ENO4: variants seen among roughly 807,000 people sequenced by gnomAD.
ENO4 encodes enolase 4, also known as 2-phospho-D-glycerate hydro-lyase.
In ENO4, 53 loss-of-function variants were observed where a neutral mutation model predicts 63.2. The ratio of observed to expected loss-of-function variants is 0.84; its 90% confidence interval spans 0.67 to 1.05. ENO4 has a LOEUF of 1.05. ENO4 is among the 50% of genes least tolerant of loss of function. The probability of loss-of-function intolerance (pLI) is 0.00; values close to 1 mark genes in which losing one functional copy is unlikely to be tolerated. For synonymous variants in ENO4, 266 were observed against 283.8 expected (o/e 0.94, Z 0.63); for missense variants, 719 against 772.0 (o/e 0.93, Z 0.81).
At chr10:116,871,831 C>T (rs1637573) in intron 9 of ENO4, among the ~76,000 whole-genome samples, 151,976 of 152,356 alleles carry the variant, frequency 1, 75,801 homozygotes, top group Non-Finnish European at 1. Context: ...AGTGATGTGA[C>T]GAGACTCCAC....
intron 10 of ENO4, among the ~76,000 whole-genome samples, chr10:116,904,708 T>G (rs961422054): frequency 6.6e-6 from 1 of 152,234 alleles, no homozygotes; most frequent in Non-Finnish European, 1.5e-5. Flanking sequence ...CTCTGAATTA[T>G]TCAAATTTCT....
chr10:116,909,487 C>T (rs1848105406), intron 10 of ENO4, among the ~76,000 whole-genome samples: 1 of 152,210 alleles, frequency 6.6e-6, no homozygotes, highest in Non-Finnish European at 1.5e-5. Flanking sequence ...TCACCACTGT[C>T]ACTTAGAGTG....
At chr10:116,885,854 G>A (rs1847148165), downstream of ENO4, 1 of 156,362 alleles carries the variant, frequency 6.4e-6, no homozygotes, top group Admixed American at 6.2e-5. Flanking sequence ...AAAATAACTT[G>A]TATGCCACAG....
intron 10 of ENO4, among the ~76,000 whole-genome samples, chr10:116,889,471 T>G (rs1289986288): frequency 1.3e-5 from 2 of 151,786 alleles, no homozygotes; most frequent in Non-Finnish European, 2.9e-5. Context: ...GGAGGGAGAG[T>G]GACTGGTTTC....
intron 10 of ENO4, among the ~76,000 whole-genome samples, chr10:116,907,238 G>A (rs187788106): frequency 6.6e-6 from 1 of 152,302 alleles, no homozygotes; most frequent in Non-Finnish European, 1.5e-5. Context: ...CGTCGTAGCT[G>A]TCAAAGGAGG....
chr10:116,896,299 T>C (rs1259988899), intron 10 of ENO4, among the ~76,000 whole-genome samples: 1 of 152,186 alleles, frequency 6.6e-6, no homozygotes, highest in African/African-American at 2.4e-5. Context: ...CCCACACTGA[T>C]GTATACTGGG....
At chr10:116,866,117 A>C (rs1203091838) in intron 7 of ENO4, among the ~76,000 whole-genome samples, 1 of 152,216 alleles carries the variant, frequency 6.6e-6, no homozygotes, top group African/African-American at 2.4e-5. Context: ...CCCAAATCAC[A>C]GAATATGTTT....
chr10:116,868,462 T>C, intron 7 of ENO4, 188 bp from the exon 8 acceptor site: 4 of 702,114 alleles, frequency 5.7e-6, no homozygotes, highest in South Asian at 4.6e-5. Flanking sequence ...GAGAAATAGT[T>C]TGTGGCATAT....
chr10:116,882,736 C>G (rs1327904633), downstream of ENO4: 1 of 152,102 alleles, frequency 6.6e-6, no homozygotes, highest in African/African-American at 2.4e-5. Context: ...ATAACAGAGC[C>G]AACTCTTTAT....
downstream of ENO4, chr10:116,886,646 A>G: frequency 6.4e-7 from 1 of 1,568,976 alleles, no homozygotes; most frequent in Non-Finnish European, 8.7e-7. Context: ...GATTCAGACT[A>G]ACATAAAACC....
At chr10:116,893,605 A>C (rs1282906971) in intron 10 of ENO4, among the ~76,000 whole-genome samples, 1 of 1,912 alleles carries the variant, frequency 5.2e-4, no homozygotes, top group Non-Finnish European at 1.7e-3. Context: ...CACGAGAAAG[A>C]AAGCGGAGAA....
Position 116,889,925 on chromosome 10 carries a change from G to A in ENO4, c.1194+9939G>A, listed in dbSNP as rs150927476. ...TTGGCTCCCACGGGCAGCTGCCCAAGACTCCTTCTGGAATGAGAGTCCTTT... is the reference window on the plus strand; with the variant it reads ...TTGGCTCCCACGGGCAGCTGCCCAAAACTCCTTCTGGAATGAGAGTCCTTT... On this transcript the variant is annotated intron_variant, in intron 10 of 10. Transcript: ENST00000369207. Among the ~76,000 whole-genome samples the A allele has an allele frequency of 5.3e-3, 804 of 152,248 alleles. 7 individuals carry two copies. The highest frequency in any genetic ancestry group is 0.019 in the African/African-American group (769 of 41,538).
chr10:116,885,375 T>C (rs891729431), downstream of ENO4: 6 of 152,632 alleles, frequency 3.9e-5, no homozygotes, highest in African/African-American at 1.4e-4. Flanking sequence ...TAATCCCTGA[T>C]TACATTTCTA....
At chr10:116,886,201 T>C (rs1404802250), downstream of ENO4, 22 of 1,178,296 alleles carry the variant, frequency 1.9e-5, no homozygotes, top group Non-Finnish European at 5.9e-6. Flanking sequence ...TAGTTGCTAC[T>C]TACAAAAGTG....
chr10:116,873,440 C>A (rs1362611612), intron 9 of ENO4, among the ~76,000 whole-genome samples: 1 of 152,108 alleles, frequency 6.6e-6, no homozygotes, highest in Non-Finnish European at 1.5e-5. Flanking sequence ...ATCCTTCAGC[C>A]CTGTTTACTT....
At chr10:116,892,844 C>T (rs1847380239) in intron 10 of ENO4, among the ~76,000 whole-genome samples, 1 of 152,140 alleles carries the variant, frequency 6.6e-6, no homozygotes. Context: ...CTCCACTATA[C>T]ACAAATAAAA....
intron 10 of ENO4, among the ~76,000 whole-genome samples, chr10:116,896,717 C>A (rs974226330): frequency 6.6e-6 from 1 of 151,868 alleles, no homozygotes; most frequent in African/African-American, 2.4e-5. Context: ...CCGAAGCAGT[C>A]GTCTCATCTT....
chr10:116,888,482 G>C (rs1443740824), intron 10 of ENO4, among the ~76,000 whole-genome samples: 4 of 152,230 alleles, frequency 2.6e-5, no homozygotes, highest in African/African-American at 7.2e-5. Flanking sequence ...GCAGTCAGCT[G>C]TTCTGACAGT....
intron 13 of ENO4, among the ~76,000 whole-genome samples, chr10:116,880,710 G>A (rs1846981741): frequency 1.3e-5 from 2 of 152,198 alleles, no homozygotes; most frequent in Non-Finnish European, 2.9e-5. Context: ...AGTCATGTAA[G>A]GGCAGTCAAA....
Sources: gnomAD v4.1 joint callset for allele counts (sites outside exome capture counted in the v4.1 genomes callset) on GRCh38, gnomAD v4.1.1 for gene constraint, MANE v1.5 for transcripts, NCBI Gene and HGNC (gene_info 2026-07-23, HGNC 2026-07-21) for gene names.